The following ZNF443 variants were observed in gnomAD, a reference collection of about 807,000 sequenced individuals.
The protein encoded by ZNF443 is Kruppel-type zinc finger (C2H2).
Under a neutral mutation model 12.0 loss-of-function variants are expected in ZNF443, and 3 were observed. The ratio of observed to expected loss-of-function variants is 0.25; its 90% CI spans 0.11 to 0.64. The LOEUF (loss-of-function observed/expected upper bound fraction) is 0.64. ZNF443 is among the 30% of genes least tolerant of loss of function. The pLI, the probability that ZNF443 is intolerant of heterozygous loss-of-function variation, is 0.84. For synonymous variants in ZNF443, 225 were observed against 265.9 expected (o/e 0.85, Z 1.50); for missense variants, 770 against 808.8 (o/e 0.95, Z 0.58).
intron 1 of ZNF443, among the ~76,000 whole-genome samples, chr19:12,436,549 C>G (rs2144956218): frequency 6.6e-6 from 1 of 151,392 alleles, no homozygotes; most frequent in South Asian, 2.1e-4. Context: ...AAAATGAAGA[C>G]ATCTTCACAA....
chr19:12,440,654 G>C (rs985831369), intron 1 of ZNF443, among the ~76,000 whole-genome samples: 1 of 152,228 alleles, frequency 6.6e-6, no homozygotes, highest in Non-Finnish European at 1.5e-5. Context: ...AATCTGGGGA[G>C]ACCCGGGGCT....
At position 12,431,448 on chromosome 19, in the gene ZNF443, T is replaced by C. The variant is rs1970253021; in HGVS notation, c.724A>G (p.Arg242Gly). 1 of 1,614,014 alleles carries C rather than the reference T, an allele frequency of 6.2e-7. No homozygotes were observed. Among genetic ancestry groups the C allele is most frequent in the African/African-American group, 1.3e-5 (1 of 74,924 alleles). The change falls in exon 4 of 4, where the codon AGA (arginine) becomes GGA (glycine). Residue 242 changes from arginine to glycine, a missense_variant. Arg to Gly is a moderately radical substitution (Grantham distance 125). Coordinates refer to ENST00000301547, the MANE Select transcript of ZNF443 (RefSeq NM_005815.5). Reference sequence around the variant, plus strand: ...TCCCCAGTATGTGTTCTTTCATGTCTTAGATAGGAACTGTAAAAAGAAAAG... The same window carrying C: ...TCCCCAGTATGTGTTCTTTCATGTCCTAGATAGGAACTGTAAAAAGAAAAG... ...KAFSFYSSYLRHERTHTGEKP... is the reference protein window; with the variant it reads ...KAFSFYSSYLGHERTHTGEKP...
rs551988115 is a variant in ZNF443 at position 12,429,816 on chromosome 19, T to G, written c.*340A>C. On this transcript the variant is annotated 3_prime_UTR_variant, in exon 4 of 4. Transcript: ENST00000301547. The stretch of plus-strand genomic sequence containing the variant: ...ACATAGACTCTTTTCCTTATCATGA[T>G]TCCCTAAACAATACAATAGAACAAC... 1,238 of 367,400 alleles carry G rather than the reference T, an allele frequency of 3.4e-3. 12 individuals are homozygous for G. The highest frequency in any genetic ancestry group is 0.02 in the African/African-American group (989 of 48,986). 22.8% of individuals were successfully genotyped at this position (367,400 alleles called of 1,614,324 possible).
chr19:12,432,331 C>T (rs777383669), intron 3 of ZNF443, 46 bp downstream of exon 3: 53 of 1,468,968 alleles, frequency 3.6e-5, no homozygotes, highest in Non-Finnish European at 4.8e-5. Flanking sequence ...ATGTCATTCT[C>T]AGAACGGCTC....
chr19:12,432,820 C>T (rs934612799), intron 2 of ZNF443, among the ~76,000 whole-genome samples: 27 of 147,904 alleles, frequency 1.8e-4, no homozygotes, highest in South Asian at 6.7e-4. Flanking sequence ...TGTAATAATA[C>T]GACATAAAAT....
Position 12,440,837 on chromosome 19 carries a change from G to A in ZNF443, c.3+75C>T. 7 of 1,611,886 alleles carry A rather than the reference G, an allele frequency of 4.3e-6. No homozygotes were observed. In the South Asian group the frequency reaches 7.7e-5, roughly 18 times the overall value. ...CGAAGTCGCCCTTGGGGAGGCCCGG[G>A]TCCAGCCACAGCCGATTACGGCCGG... On this transcript the variant is annotated intron_variant, in intron 1 of 3. Coordinates refer to ENST00000301547, the MANE Select transcript of ZNF443 (RefSeq NM_005815.5).
intron 2 of ZNF443, among the ~76,000 whole-genome samples, chr19:12,432,700 T>C (rs1335429849): frequency 7.2e-6 from 1 of 138,180 alleles, no homozygotes; most frequent in Non-Finnish European, 1.6e-5. Flanking sequence ...GATGAAAACC[T>C]TTCCGAGGAT....
At chr19:12,435,573 C>T (rs1056769837) in intron 1 of ZNF443, among the ~76,000 whole-genome samples, 20 of 152,156 alleles carry the variant, frequency 1.3e-4, no homozygotes, top group African/African-American at 2.2e-4. Context: ...CATTCATTTT[C>T]GCTTCTGGCT....
chr19:12,436,830 A>G (rs1385031101), intron 1 of ZNF443, among the ~76,000 whole-genome samples: 1 of 151,688 alleles, frequency 6.6e-6, no homozygotes, highest in Non-Finnish European at 1.5e-5. Flanking sequence ...AAATAATTCA[A>G]TGAAGGCACA....
Position 12,431,438 on chromosome 19 carries a change from C to G in ZNF443, c.734G>C (p.Arg245Thr), listed in dbSNP as rs764952345. 1.2e-6 allele frequency: 2 copies of G among 1,613,900 alleles called. No individual in the cohort carries two copies. The highest frequency in any genetic ancestry group is 1.7e-6 in the Non-Finnish European group (2 of 1,179,958). Residue 245 changes from arginine (R) to threonine (T), a missense_variant, in exon 4 of 4, where the codon AGA becomes ACA. Physicochemically the swap from Arg to Thr is moderately conservative, Grantham distance 71 (BLOSUM62 -1). Transcript: ENST00000301547. Reference sequence around the variant, plus strand: ...ATACGGTTTCTCCCCAGTATGTGTTCTTTCATGTCTTAGATAGGAACTGTA... The same window carrying G: ...ATACGGTTTCTCCCCAGTATGTGTTGTTTCATGTCTTAGATAGGAACTGTA... ...SFYSSYLRHE[R>T]THTGEKPYEC...
chr19:12,440,980 G>A lies in ZNF443; in HGVS notation c.-66C>T. On this transcript the variant is annotated 5_prime_UTR_variant, in exon 1 of 4. Transcript: ENST00000301547. ...CCGCTGCCAATGCGTGTTCCAGCCA[G>A]ACAAAGGCTGCCTCAGAACTTCCAG... 1.2e-6 allele frequency: 2 copies of A among 1,612,842 alleles called. No individual in the cohort carries two copies. The highest frequency in any genetic ancestry group is 8.5e-7 in the Non-Finnish European group (1 of 1,179,160).
chr19:12,430,807 G>C lies in ZNF443; in HGVS notation c.1365C>G (p.Gly455=). Residue 455 remains glycine (G), a synonymous_variant, in exon 4 of 4, where the codon GGC becomes GGG. Transcript: ENST00000301547. ...GGGAACTGGAAATACGGTAGGCTTT[G>C]CCACATTGTTTACATTTATAGGGTT... ...AEKPYKCKQC[G]KAYRISSSLR... 6.2e-7 allele frequency: 1 copy of C among 1,614,018 alleles called. No homozygotes were observed. The highest frequency in any genetic ancestry group is 8.5e-7 in the Non-Finnish European group (1 of 1,179,966).
At chr19:12,438,951 T>C (rs1416602140) in intron 1 of ZNF443, among the ~76,000 whole-genome samples, 1 of 152,176 alleles carries the variant, frequency 6.6e-6, no homozygotes, top group Non-Finnish European at 1.5e-5. Flanking sequence ...AGAGTAAACA[T>C]ATCTTTTCAA....
chr19:12,437,399 A>C (rs935096628), intron 1 of ZNF443, among the ~76,000 whole-genome samples: 9 of 137,700 alleles, frequency 6.5e-5, no homozygotes, highest in Non-Finnish European at 1.2e-4. Context: ...TAGAGCAAGA[A>C]CCTGTCTCAA....
chr19:12,430,892 C>G lies in ZNF443; in HGVS notation c.1280G>C (p.Gly427Ala), dbSNP rs1599620015. 6.2e-7 allele frequency: 1 copy of G among 1,613,916 alleles called. No individual in the cohort carries two copies. The highest frequency in any genetic ancestry group is 1.1e-5 in the South Asian group (1 of 91,080). Reference protein sequence around the residue: ...GDGPHKCKVCGKAFVYPSVFQ... With the variant: ...GDGPHKCKVCAKAFVYPSVFQ... ...TACACTGGGATAAACAAAGGCTTTCCCACATACCTTGCATTTATGAGGTCC... is the reference window on the plus strand; with the variant it reads ...TACACTGGGATAAACAAAGGCTTTCGCACATACCTTGCATTTATGAGGTCC... Residue 427 changes from glycine (G) to alanine (A), a missense_variant, in exon 4 of 4, where the codon GGG becomes GCG. Around this residue, in one of 3 missense-constraint regions of ZNF443, gnomAD observed 736 missense variants for 689.4 expected, o/e 1.07. Coordinates refer to ENST00000301547, the MANE Select transcript of ZNF443 (RefSeq NM_005815.5).
Position 12,430,104 on chromosome 19 carries a change from T to A in ZNF443, c.*52A>T, listed in dbSNP as rs889098510. The A allele has an allele frequency of 4.4e-6, 7 of 1,604,418 alleles. No homozygotes were observed. Among genetic ancestry groups the A allele is most frequent in the Non-Finnish European group, 6.0e-6 (7 of 1,175,710 alleles). ...ATGTGTTTCGTACAAGTATCTGAAA[T>A]GAAATAAAATTAATAAATGCTTTCC... is the stretch of plus-strand genomic sequence containing the variant. On this transcript the variant is annotated 3_prime_UTR_variant, in exon 4 of 4. Coordinates refer to ENST00000301547, the MANE Select transcript of ZNF443 (RefSeq NM_005815.5).
Position 12,430,468 on chromosome 19 carries a change from T to A in ZNF443, c.1704A>T (p.Ala568=), listed in dbSNP as rs149134494. 592 of 1,614,098 alleles carry A rather than the reference T, an allele frequency of 3.7e-4. 1 individual carries two copies. The African/African-American group carries it at 6.6e-3, about 18-fold the overall frequency. Reference sequence around the variant, plus strand: ...GTAGAAAGCAAGTGAGCCAAGAGAATGCTTTCCCACATTCCTTACATTCAT... The same window carrying A: ...GTAGAAAGCAAGTGAGCCAAGAGAAAGCTTTCCCACATTCCTTACATTCAT... ...KPYECKECGK[A]FSWLTCFLRH... Residue 568 remains alanine (A), a synonymous_variant, in exon 4 of 4, where the codon GCA becomes GCT. Coordinates refer to ENST00000301547, the MANE Select transcript of ZNF443 (RefSeq NM_005815.5).
chr19:12,431,983 G>A lies in ZNF443; in HGVS notation c.192-3C>T, dbSNP rs1317783128. 6.5e-6 allele frequency: 10 copies of A among 1,541,628 alleles called. No individual in the cohort carries two copies. On this transcript the variant is annotated splice_region_variant and splice_polypyrimidine_tract_variant and intron_variant, in intron 3 of 3. Coordinates refer to ENST00000301547, the MANE Select transcript of ZNF443 (RefSeq NM_005815.5). Reference sequence around the variant, plus strand: ...CAAATCTCTCTAACATACGACATCTGTAAAAAATGGGAAATATATCACTAA... The same window carrying A: ...CAAATCTCTCTAACATACGACATCTATAAAAAATGGGAAATATATCACTAA...
Position 12,431,931 on chromosome 19 carries a change from C to G in ZNF443, c.241G>C (p.Gly81Arg), listed in dbSNP as rs561730927. Residue 81 changes from glycine to arginine, a missense_variant, in exon 4 of 4, where the codon GGA (glycine) becomes CGA (arginine). Physicochemically the swap from Gly to Arg is moderately radical, Grantham distance 125. Coordinates refer to ENST00000301547, the MANE Select transcript of ZNF443 (RefSeq NM_005815.5). ...FVESKDGTQCGETSSQIQDSI... is the reference protein window; with the variant it reads ...FVESKDGTQCRETSSQIQDSI... ...TCTTGAATCTGGCTAGATGTTTCTC[C>G]ACATTGAGTTCCATCTTTACTTTCA... The G allele has an allele frequency of 6.2e-7, 1 of 1,604,440 alleles. No individual in the cohort carries two copies. Among genetic ancestry groups the G allele is most frequent in the South Asian group, 1.1e-5 (1 of 89,476 alleles).
Sources: gnomAD v4.1 joint callset for allele counts (sites outside exome capture counted in the v4.1 genomes callset) on GRCh38, gnomAD v4.1.1 for gene constraint, gnomAD v4.1.1 regional missense constraint, MANE v1.5 for transcripts, NCBI Gene and HGNC (gene_info 2026-07-23, HGNC 2026-07-21) for gene names.